SORCS1: variants seen among roughly 807,000 people sequenced by gnomAD.
The protein encoded by SORCS1 is sortilin related VPS10 domain containing receptor 1, also known as VPS10 domain-containing receptor SorCS1.
In SORCS1, 60 loss-of-function variants were observed where a neutral mutation model predicts 146.1. The ratio of observed to expected loss-of-function variants is 0.41; its 90% CI spans 0.33 to 0.51. The LOEUF is 0.51. Ranked by LOEUF, SORCS1 falls within the 20% of genes least tolerant of loss-of-function variation. The pLI, the probability that SORCS1 is intolerant of heterozygous loss-of-function variation, is 0.21. For missense variants in SORCS1, 1,352 were observed against 1,487.6 expected (o/e 0.91, Z 1.50); for synonymous variants, 637 against 584.0 (o/e 1.09, Z -1.31).
At chr10:107,140,738 C>G (rs1456739155) in intron 1 of SORCS1, among the ~76,000 whole-genome samples, 5 of 152,116 alleles carry the variant, frequency 3.3e-5, no homozygotes, top group African/African-American at 9.7e-5. Context: ...ATTCGATATC[C>G]CAACATATAA....
intron 1 of SORCS1, among the ~76,000 whole-genome samples, chr10:107,067,835 A>G (rs1265423013): frequency 1.3e-5 from 2 of 152,202 alleles, no homozygotes. Flanking sequence ...TGTTGTGAGG[A>G]TTACATATTT....
At chr10:106,784,379 A>AG (rs1306581129) in intron 3 of SORCS1, among the ~76,000 whole-genome samples, 1 of 147,116 alleles carries the variant, frequency 6.8e-6, no homozygotes, top group Non-Finnish European at 1.5e-5. Context: ...TGGGCGACAG[A>AG]GGGAGACTCC....
intron 1 of SORCS1, among the ~76,000 whole-genome samples, chr10:107,103,706 TA>T (rs1268029767): frequency 1.3e-5 from 2 of 152,212 alleles, no homozygotes; most frequent in Admixed American, 1.3e-4. Context: ...TTGTTTGTAT[TA>T]ATGAAATATG....
At chr10:106,927,728 T>C (rs1475148308) in intron 2 of SORCS1, among the ~76,000 whole-genome samples, 2 of 152,130 alleles carry the variant, frequency 1.3e-5, no homozygotes, top group Non-Finnish European at 2.9e-5. Flanking sequence ...ACAAAGGTTC[T>C]CCAAGTCCCC....
In SORCS1 at chr10:106,688,409, A is replaced by C. The variant is rs939955654; in HGVS notation, c.1414-71T>G. On this transcript the variant is annotated intron_variant, in intron 9 of 25. Transcript: ENST00000263054. The stretch of plus-strand genomic sequence containing the variant: ...GATATATTTGTTTACTTTTTAAAAA[A>C]AGAAGGCTGTCAAAGTCAGCTGAGA... 3.2e-6 allele frequency: 5 copies of C among 1,546,684 alleles called. No homozygotes were observed. The Admixed American group carries it at 9.8e-5, about 30-fold the overall frequency.
chr10:106,931,942 A>G (rs1953442129), intron 2 of SORCS1, among the ~76,000 whole-genome samples: 2 of 152,244 alleles, frequency 1.3e-5, no homozygotes, highest in South Asian at 4.1e-4. Context: ...GTAAGACAGG[A>G]AAAATATCTC....
intron 2 of SORCS1, among the ~76,000 whole-genome samples, chr10:106,912,119 A>AC (rs1441811840): frequency 2.0e-5 from 3 of 151,534 alleles, no homozygotes; most frequent in African/African-American, 7.3e-5. Context: ...TCTCAAAAAA[A>AC]AAAAACAAAC....
intron 2 of SORCS1, among the ~76,000 whole-genome samples, chr10:106,898,766 T>C (rs1432002885): frequency 1.3e-5 from 2 of 152,222 alleles, no homozygotes; most frequent in Non-Finnish European, 2.9e-5. Context: ...AAATAGCTCC[T>C]AATTGTAATG....
At chr10:107,148,604 T>C (rs1968526107) in intron 1 of SORCS1, among the ~76,000 whole-genome samples, 1 of 152,238 alleles carries the variant, frequency 6.6e-6, no homozygotes, top group African/African-American at 2.4e-5. Context: ...AGATAAATTA[T>C]GTCTTTCCCT....
intron 5 of SORCS1, among the ~76,000 whole-genome samples, chr10:106,748,317 C>G (rs923452003): frequency 3.3e-5 from 5 of 152,112 alleles, no homozygotes; most frequent in African/African-American, 1.2e-4. Flanking sequence ...ATTATAACAT[C>G]TGTTACGGCG....
the SORCS1 span, among the ~76,000 whole-genome samples, chr10:107,179,868 T>G: frequency 6.6e-6 from 1 of 151,870 alleles, no homozygotes; most frequent in African/African-American, 2.4e-5. Context: ...TTAGCATGTA[T>G]TTTTATCCTC....
At chr10:106,721,935 G>A (rs1855808156) in intron 6 of SORCS1, among the ~76,000 whole-genome samples, 2 of 152,068 alleles carry the variant, frequency 1.3e-5, no homozygotes, top group African/African-American at 4.8e-5. Flanking sequence ...AATTAACCAT[G>A]AAGTTGCTAA....
chr10:106,727,132 C>G (rs1856260009), intron 6 of SORCS1, among the ~76,000 whole-genome samples: 1 of 151,730 alleles, frequency 6.6e-6, no homozygotes, highest in African/African-American at 2.4e-5. Context: ...CAGGCCCCTA[C>G]TGAATTACAA....
At chr10:106,957,956 C>T (rs1462751446) in intron 1 of SORCS1, among the ~76,000 whole-genome samples, 1 of 152,174 alleles carries the variant, frequency 6.6e-6, no homozygotes, top group Non-Finnish European at 1.5e-5. Flanking sequence ...CCAGTTAGGA[C>T]AGAAGCGCTC....
At chr10:106,577,693 C>T in intron 25 of SORCS1, 138 bp from the exon 26 acceptor site, 1 of 1,454,922 alleles carries the variant, frequency 6.9e-7, no homozygotes, top group Non-Finnish European at 9.0e-7. Context: ...GGCTGTGCTT[C>T]ATACCCTACG....
At chr10:107,029,154 A>G (rs1161860833) in intron 1 of SORCS1, among the ~76,000 whole-genome samples, 1 of 152,186 alleles carries the variant, frequency 6.6e-6, no homozygotes, top group Non-Finnish European at 1.5e-5. Context: ...TGGAATGTCA[A>G]TCAATAGTTA....
intron 23 of SORCS1, among the ~76,000 whole-genome samples, chr10:106,598,910 C>T (rs917352582): frequency 6.6e-6 from 1 of 152,300 alleles, no homozygotes; most frequent in South Asian, 2.1e-4. Context: ...ACTGCCCAGT[C>T]GTTGAGCACC....
chr10:106,647,094 A>G (rs1849507847), intron 18 of SORCS1, among the ~76,000 whole-genome samples: 1 of 149,308 alleles, frequency 6.7e-6, no homozygotes, highest in Non-Finnish European at 1.5e-5. Context: ...TATCTTTGCT[A>G]TTCTTCAGGT....
intron 1 of SORCS1, among the ~76,000 whole-genome samples, chr10:107,001,610 C>A (rs933275512): frequency 3.3e-5 from 5 of 152,138 alleles, no homozygotes; most frequent in Admixed American, 2.6e-4. Context: ...ATTACAGGCA[C>A]GTGCCACCAC....
Sources: gnomAD v4.1 joint callset for allele counts (sites outside exome capture counted in the v4.1 genomes callset) on GRCh38, gnomAD v4.1.1 for gene constraint, MANE v1.5 for transcripts, NCBI Gene and HGNC (gene_info 2026-07-23, HGNC 2026-07-21) for gene names.